Variants in ST6GAL2 observed in about 807,000 individuals in gnomAD.
ST6GAL2 encodes ST6 beta-galactoside alpha-2,6-sialyltransferase 2.
ST6GAL2 carries 24 observed loss-of-function variants against 37.5 expected under a neutral mutation model. That is an observed-to-expected ratio of 0.64 (90% CI 0.46 to 0.90). ST6GAL2 has a LOEUF of 0.90. Ranked by LOEUF, ST6GAL2 falls within the 40% of genes least tolerant of loss-of-function variation. The pLI, the probability that ST6GAL2 is intolerant of heterozygous loss-of-function variation, is 0.00. For synonymous variants in ST6GAL2, 306 were observed against 295.1 expected, an observed-to-expected ratio of 1.04 and a Z score of -0.38; for missense variants, 715 against 712.7, an observed-to-expected ratio of 1.00 and a Z score of -0.04.
At chr2:106,823,789 C>G (rs1056893031) in intron 5 of ST6GAL2, among the ~76,000 whole-genome samples, 3 of 152,106 alleles carry the variant, frequency 2.0e-5, no homozygotes, top group Admixed American at 6.6e-5. Flanking sequence ...TTCAATGTCT[C>G]GTGAGGACCC....
intron 1 of ST6GAL2, among the ~76,000 whole-genome samples, chr2:106,883,843 T>A (rs899702183): frequency 5.3e-5 from 8 of 152,228 alleles, no homozygotes; most frequent in African/African-American, 1.9e-4. Flanking sequence ...AAGATATTTT[T>A]ATTCAAAGTC....
intron 5 of ST6GAL2, chr2:106,812,969 G>T: frequency 2.9e-6 from 3 of 1,051,608 alleles, no homozygotes; most frequent in Non-Finnish European, 2.4e-6. Context: ...AAGTTTTACT[G>T]CTTTCAACAT....
chr2:106,868,981 A>T (rs1006230739), intron 1 of ST6GAL2, among the ~76,000 whole-genome samples: 2 of 152,234 alleles, frequency 1.3e-5, no homozygotes, highest in Admixed American at 1.3e-4. Context: ...GGTTGTAATA[A>T]AGCCACATCT....
chr2:106,866,815 A>G (rs2079461), intron 1 of ST6GAL2, among the ~76,000 whole-genome samples: 133,277 of 152,222 alleles, frequency 0.88, 58,489 homozygotes, highest in East Asian at 0.98. Context: ...AAACAACAGA[A>G]TTAGTTTTTG....
chr2:106,853,328 T>C (rs1248245191), intron 1 of ST6GAL2, among the ~76,000 whole-genome samples: 3 of 152,236 alleles, frequency 2.0e-5, no homozygotes, highest in Non-Finnish European at 2.9e-5. Flanking sequence ...CAGAATGGGC[T>C]ACCAATTTAC....
At chr2:106,830,032 C>G in intron 5 of ST6GAL2, 34 bp downstream of exon 5, 1 of 1,596,860 alleles carries the variant, frequency 6.3e-7, no homozygotes, top group Non-Finnish European at 8.6e-7. Context: ...CCTGTCTGCC[C>G]CCCAATCATT....
chr2:106,807,111 T>C (rs895983935), intron 5 of ST6GAL2, among the ~76,000 whole-genome samples, 162 bp from the exon 6 acceptor site: 7 of 152,180 alleles, frequency 4.6e-5, no homozygotes, highest in Admixed American at 3.9e-4. Flanking sequence ...TTAAGTGGTG[T>C]GTATGCAGTT....
intron 1 of ST6GAL2, among the ~76,000 whole-genome samples, chr2:106,875,986 G>C (rs1291799947): frequency 6.6e-6 from 1 of 152,074 alleles, no homozygotes; most frequent in Non-Finnish European, 1.5e-5. Flanking sequence ...TTTGTAAATA[G>C]ATGAGGTCTC....
At chr2:106,818,761 C>T (rs1675896651) in intron 5 of ST6GAL2, among the ~76,000 whole-genome samples, 1 of 151,904 alleles carries the variant, frequency 6.6e-6, no homozygotes, top group Non-Finnish European at 1.5e-5. Context: ...AGTGACCAAT[C>T]CCACAGAGAC....
intron 1 of ST6GAL2, among the ~76,000 whole-genome samples, chr2:106,851,868 G>A (rs557586461): frequency 3.9e-5 from 6 of 152,186 alleles, no homozygotes; most frequent in South Asian, 2.1e-4. Context: ...TGAGATACTC[G>A]TGTATCTTAA....
intron 1 of ST6GAL2, among the ~76,000 whole-genome samples, chr2:106,877,288 G>T (rs1047869311): frequency 1.6e-4 from 24 of 152,202 alleles, no homozygotes; most frequent in African/African-American, 5.3e-4. Flanking sequence ...TCAGTCTTTT[G>T]TACCTGAAGT....
intron 1 of ST6GAL2, among the ~76,000 whole-genome samples, chr2:106,851,305 G>A (rs1271809926): frequency 6.6e-6 from 1 of 152,150 alleles, no homozygotes; most frequent in Non-Finnish European, 1.5e-5. Flanking sequence ...TGTTCCACTT[G>A]CTTAGGAAGG....
chr2:106,826,913 C>A (rs12622433), intron 5 of ST6GAL2, among the ~76,000 whole-genome samples: 19,580 of 152,158 alleles, frequency 0.13, 1,874 homozygotes, highest in East Asian at 0.49. Context: ...CCAGTGCAGC[C>A]CTTTGTGGAT....
intron 1 of ST6GAL2, among the ~76,000 whole-genome samples, chr2:106,867,388 C>T (rs1329665347): frequency 1.3e-5 from 2 of 152,152 alleles, no homozygotes; most frequent in Admixed American, 6.5e-5. Flanking sequence ...ATCCCTCTTC[C>T]TTTTTCTTAA....
chr2:106,874,344 G>GTCCATAATAA (rs1462559203), intron 1 of ST6GAL2, among the ~76,000 whole-genome samples: 5 of 152,264 alleles, frequency 3.3e-5, no homozygotes, highest in Admixed American at 6.5e-5. Flanking sequence ...AAGGAACCAA[G>GTCCATAATAA]TCCATAATAA....
intron 2 of ST6GAL2, among the ~76,000 whole-genome samples, chr2:106,837,375 T>G (rs1019262030): frequency 6.6e-6 from 1 of 152,212 alleles, no homozygotes; most frequent in Non-Finnish European, 1.5e-5. Flanking sequence ...CCCTGTCTCA[T>G]GCATCATTCA....
intron 5 of ST6GAL2, among the ~76,000 whole-genome samples, chr2:106,823,977 T>A (rs1676106916): frequency 6.6e-6 from 1 of 152,192 alleles, no homozygotes. Context: ...CCTTGAGGGT[T>A]AGAATTTCAA....
chr2:106,882,378 G>A (rs1233155397), intron 1 of ST6GAL2, among the ~76,000 whole-genome samples: 1 of 152,190 alleles, frequency 6.6e-6, no homozygotes, highest in African/African-American at 2.4e-5. Flanking sequence ...CCTTCCTGAG[G>A]TTCAGTCTTC....
intron 1 of ST6GAL2, among the ~76,000 whole-genome samples, chr2:106,866,129 C>T (rs747069048): frequency 2.6e-5 from 4 of 152,096 alleles, no homozygotes; most frequent in African/African-American, 9.7e-5. Context: ...GAACAACCTA[C>T]GAGTTAGGTA....
Sources: gnomAD v4.1 joint callset for allele counts (sites outside exome capture counted in the v4.1 genomes callset) on GRCh38, gnomAD v4.1.1 for gene constraint, MANE v1.5 for transcripts, NCBI Gene and HGNC (gene_info 2026-07-23, HGNC 2026-07-21) for gene names.